Variants in NRG3 observed in about 807,000 individuals in gnomAD.
NRG3 encodes the protein neuregulin 3, also known as pro-neuregulin-3, membrane-bound isoform.
A neutral mutation model predicts 66.9 loss-of-function variants in NRG3; 31 were observed. The observed-to-expected ratio is 0.46, with a 90% CI of 0.35 to 0.63. The LOEUF is 0.63. NRG3 is among the 20% of genes least tolerant of loss of function. The pLI is 0.00. For synonymous variants in NRG3, 393 were observed against 359.4 expected (o/e 1.09, Z -1.06); for missense variants, 910 against 878.9 (o/e 1.04, Z -0.45).
Position 81,875,285 on chromosome 10 carries a change from G to A in NRG3, c.-56G>A. On this transcript the variant is annotated 5_prime_UTR_variant, in exon 1 of 9. Coordinates refer to ENST00000372141, the MANE Select transcript of NRG3 (RefSeq NM_001010848.4). The surrounding 1 kb of genome is among the most constrained non-coding windows in gnomAD (Gnocchi z 5.3). ...CCCGCGCCCGCGCCCGGCCCGCGCGGCCCCATGCCTCTGCCGCGGCCCTCG... is the reference window on the plus strand; with the variant it reads ...CCCGCGCCCGCGCCCGGCCCGCGCGACCCCATGCCTCTGCCGCGGCCCTCG... 1 of 978,468 alleles carries A rather than the reference G, an allele frequency of 1.0e-6. No individual in the cohort carries two copies. Among genetic ancestry groups the A allele is most frequent in the Non-Finnish European group, 1.2e-6 (1 of 826,078 alleles). 60.6% of individuals were successfully genotyped at this position (978,468 alleles called of 1,614,324 possible).
chr10:81,879,390 C>G (rs867101470), intron 1 of NRG3, among the ~76,000 whole-genome samples: 1 of 152,134 alleles, frequency 6.6e-6, no homozygotes, highest in East Asian at 1.9e-4. Context: ...CCTTTTACAG[C>G]GCCTTCAATT....
intron 1 of NRG3, among the ~76,000 whole-genome samples, chr10:82,327,952 C>G (rs1214789790): frequency 6.6e-6 from 1 of 152,174 alleles, no homozygotes; most frequent in East Asian, 1.9e-4. Context: ...CTTAAAAACA[C>G]CAGACCTATC....
At chr10:82,614,280 T>C (rs2048500052) in intron 2 of NRG3, among the ~76,000 whole-genome samples, 1 of 152,224 alleles carries the variant, frequency 6.6e-6, no homozygotes, top group African/African-American at 2.4e-5. Flanking sequence ...TTGAAAATTT[T>C]TATTTTAGTG....
At chr10:82,093,781 T>C (rs1157697628) in intron 1 of NRG3, among the ~76,000 whole-genome samples, 1 of 152,194 alleles carries the variant, frequency 6.6e-6, no homozygotes, top group Non-Finnish European at 1.5e-5. Flanking sequence ...ATATAAGCCT[T>C]CCATGACAGT....
At chr10:82,023,164 C>G (rs1261076996) in intron 1 of NRG3, among the ~76,000 whole-genome samples, 1 of 151,572 alleles carries the variant, frequency 6.6e-6, no homozygotes, top group South Asian at 2.1e-4. Context: ...TAGAGATTCT[C>G]TGCTGTTGGT....
At chr10:82,984,679 G>A (rs1291994722) in intron 8 of NRG3, 1 of 1,180,448 alleles carries the variant, frequency 8.5e-7, no homozygotes, top group African/African-American at 1.5e-5. Flanking sequence ...GGCTGAGAGG[G>A]TGGTCGAGTT....
chr10:82,600,894 T>C (rs896309743), intron 2 of NRG3, among the ~76,000 whole-genome samples: 1 of 152,098 alleles, frequency 6.6e-6, no homozygotes, highest in Admixed American at 6.5e-5. Flanking sequence ...ATCACCAATA[T>C]AGTGAACATA....
intron 1 of NRG3, among the ~76,000 whole-genome samples, chr10:81,958,149 T>G (rs1011705730): frequency 6.6e-5 from 10 of 152,198 alleles, no homozygotes; most frequent in Admixed American, 2.0e-4. Context: ...AATGATATGA[T>G]AGAATGGCCA....
At chr10:81,893,588 G>A (rs1368290640) in intron 1 of NRG3, among the ~76,000 whole-genome samples, 1 of 152,118 alleles carries the variant, frequency 6.6e-6, no homozygotes, top group East Asian at 1.9e-4. Context: ...CCTGATCGTC[G>A]TAGGTGTTTG....
chr10:82,455,445 T>G (rs1402437736), intron 2 of NRG3, among the ~76,000 whole-genome samples: 1 of 151,984 alleles, frequency 6.6e-6, no homozygotes, highest in Non-Finnish European at 1.5e-5. Context: ...AGTAAACATA[T>G]AGGACAAAAG....
chr10:82,682,946 ATTTTTTTTTT>A (rs71009814), intron 2 of NRG3, among the ~76,000 whole-genome samples: 6 of 65,336 alleles, frequency 9.2e-5, no homozygotes, highest in South Asian at 1.6e-3. Flanking sequence ...CCATGTCTTA[ATTTTTTTTTT>A]TTTTTTTTTT....
intron 1 of NRG3, among the ~76,000 whole-genome samples, chr10:81,918,818 C>CAAAAAAAAAAAAAA (rs1554854963): frequency 2.1e-5 from 3 of 145,774 alleles, no homozygotes; most frequent in African/African-American, 5.1e-5. Context: ...AGGATTTTTG[C>CAAAAAAAAAAAAAA]AAAAAACAAA....
At chr10:82,626,537 G>A (rs1289809620) in intron 2 of NRG3, among the ~76,000 whole-genome samples, 6 of 152,128 alleles carry the variant, frequency 3.9e-5, no homozygotes, top group Non-Finnish European at 2.9e-5. Context: ...ATGCACAGGT[G>A]TTACCTAAAG....
chr10:82,798,405 A>G (rs909861188), intron 3 of NRG3, among the ~76,000 whole-genome samples: 9 of 152,186 alleles, frequency 5.9e-5, no homozygotes, highest in African/African-American at 1.9e-4. Flanking sequence ...AAAGAACAAT[A>G]GAAACTTCTC....
At chr10:82,840,256 G>A (rs2062991969) in intron 3 of NRG3, among the ~76,000 whole-genome samples, 1 of 152,192 alleles carries the variant, frequency 6.6e-6, no homozygotes, top group African/African-American at 2.4e-5. Context: ...ACTCCCATCA[G>A]GTAGTGCTCA....
At chr10:82,140,509 A>G (rs1047375826) in intron 1 of NRG3, among the ~76,000 whole-genome samples, 5 of 152,190 alleles carry the variant, frequency 3.3e-5, no homozygotes, top group African/African-American at 1.2e-4. Context: ...TAATTCATTT[A>G]TTAAATGAGT....
chr10:81,948,244 C>T (rs1216284545), intron 1 of NRG3, among the ~76,000 whole-genome samples: 2 of 152,058 alleles, frequency 1.3e-5, no homozygotes, highest in Non-Finnish European at 2.9e-5. Context: ...GAGGGAAAAG[C>T]GAGATTTCCT....
chr10:82,344,197 A>G (rs1029980639), intron 1 of NRG3, among the ~76,000 whole-genome samples: 24 of 149,310 alleles, frequency 1.6e-4, no homozygotes, highest in Non-Finnish European at 3.1e-4. Context: ...ATATCTCCCA[A>G]TGCTATCCCT....
intron 4 of NRG3, among the ~76,000 whole-genome samples, chr10:82,924,086 C>CAAAA (rs3075657): frequency 1.0e-4 from 7 of 69,278 alleles, no homozygotes; most frequent in African/African-American, 2.7e-4. Context: ...GAGACTGTCT[C>CAAAA]AAAAAAAAAA....
Sources: allele counts gnomAD v4.1 joint callset (sites outside exome capture counted in the v4.1 genomes callset), GRCh38; gene constraint gnomAD v4.1.1; non-coding constraint Gnocchi (gnomAD v3.1); transcripts MANE v1.5; gene names NCBI Gene and HGNC (gene_info 2026-07-23, HGNC 2026-07-21).